The following SMARCA1 variants were observed in gnomAD, a reference collection of about 807,000 sequenced individuals.
The protein encoded by SMARCA1 is SWI/SNF-related matrix-associated actin-dependent regulator of chromatin subfamily A member 1.
A neutral mutation model predicts 93.6 loss-of-function variants in SMARCA1; 17 were observed. The ratio of observed to expected loss-of-function variants is 0.18; its 90% CI spans 0.12 to 0.27. The LOEUF (loss-of-function observed/expected upper bound fraction) is 0.27, where lower values mean the gene tolerates loss of function less well. Ranked by LOEUF, SMARCA1 falls within the 10% of genes least tolerant of loss-of-function variation. The pLI, the probability that SMARCA1 is intolerant of heterozygous loss-of-function variation, is 1.00. For synonymous variants in SMARCA1, 271 were observed against 271.4 expected, an observed-to-expected ratio of 1.00 and a Z score of 0.01; for missense variants, 630 against 819.0, an observed-to-expected ratio of 0.77 and a Z score of 2.82.
In SMARCA1 at chrX:129,480,802, G is replaced by A. The variant is rs752596447; in HGVS notation, c.2341C>T (p.Pro781Ser). 7.0e-6 allele frequency: 8 copies of A among 1,138,445 alleles called. No individual in the cohort carries two copies. The South Asian group carries it at 1.7e-4, about 24-fold the overall frequency. 93.8% of individuals were successfully genotyped at this position (1,138,445 alleles called of 1,213,427 possible). A position where few individuals can be genotyped will look rare whatever the true frequency, so the allele number is the denominator to read the frequency against. Reference sequence around the variant, plus strand: ...AAATCCTGAACATTTGGCTGTTTTGGAGGCCGTGGAGCCTATGAGGGAGGA... The same window carrying A: ...AAATCCTGAACATTTGGCTGTTTTGAAGGCCGTGGAGCCTATGAGGGAGGA... ...EPKIPKAPRP[P>S]KQPNVQDFQF... The change falls in exon 19 of 25, where the codon CCA becomes TCA. Residue 781 changes from proline (P) to serine (S), a missense_variant. Around this residue, in one of 4 missense-constraint regions of SMARCA1, gnomAD observed 382 missense variants for 537.9 expected, o/e 0.71. Transcript: ENST00000371121.
At chrX:129,519,172 A>C (rs146475412) in intron 1 of SMARCA1, among the ~76,000 whole-genome samples, 1,125 of 111,897 alleles carry the variant, frequency 0.01, 9 homozygotes, top group Admixed American at 0.016. Context: ...AACTAACATC[A>C]ATCAATAACT....
intron 19 of SMARCA1, among the ~76,000 whole-genome samples, chrX:129,475,281 G>A (rs930782352): frequency 9.1e-6 from 1 of 110,322 alleles, no homozygotes; most frequent in African/African-American, 3.3e-5. Context: ...CACTTTGGGA[G>A]GTCAAGGCGG....
chrX:129,454,375 G>A (rs773290095), intron 23 of SMARCA1, among the ~76,000 whole-genome samples: 7 of 112,264 alleles, frequency 6.2e-5, no homozygotes, highest in Admixed American at 2.8e-4. Context: ...TCAGGACACA[G>A]GCTTGGGCAA....
At chrX:129,469,940 T>C (rs910433566) in intron 20 of SMARCA1, among the ~76,000 whole-genome samples, 3 of 111,622 alleles carry the variant, frequency 2.7e-5, no homozygotes, top group African/African-American at 9.8e-5. Flanking sequence ...CTGTGGTAAG[T>C]TCTAATATTC....
intron 21 of SMARCA1, among the ~76,000 whole-genome samples, chrX:129,466,854 A>C (rs1932925271): frequency 9.3e-6 from 1 of 107,557 alleles, no homozygotes; most frequent in African/African-American, 3.5e-5. Flanking sequence ...AAAAAAAAAA[A>C]CCTCATTGGG....
intron 20 of SMARCA1, among the ~76,000 whole-genome samples, chrX:129,469,338 C>CAA (rs36009011): frequency 4.7e-5 from 5 of 107,442 alleles, no homozygotes; most frequent in Admixed American, 2.0e-4. Context: ...AAAGATAATG[C>CAA]AAAAAAAAAT....
intron 24 of SMARCA1, 40 bp downstream of exon 24, chrX:129,448,293 G>A: frequency 1.7e-6 from 2 of 1,165,786 alleles, no homozygotes; most frequent in African/African-American, 3.6e-5. Context: ...GTAAAAAAAT[G>A]GGATCTACCT....
At chrX:129,470,635 G>A (rs1933074638) in intron 20 of SMARCA1, among the ~76,000 whole-genome samples, 1 of 111,440 alleles carries the variant, frequency 9.0e-6, no homozygotes, top group African/African-American at 3.3e-5. Flanking sequence ...TTGGGAGGCC[G>A]AGGTGGGTGG....
At chrX:129,453,282 G>C (rs1932402486) in intron 23 of SMARCA1, among the ~76,000 whole-genome samples, 4 of 111,524 alleles carry the variant, frequency 3.6e-5, no homozygotes, top group African/African-American at 1.3e-4. Context: ...TAGGCCTCTT[G>C]AGCTAAACAA....
Position 129,469,638 on chromosome X carries a change from A to G in SMARCA1, c.2566-733T>C, listed in dbSNP as rs188815541. Among the ~76,000 whole-genome samples, 313 of 112,292 alleles carry G rather than the reference A, an allele frequency of 2.8e-3. 1 individual carries two copies. Among genetic ancestry groups the G allele is most frequent in the Admixed American group, 5.4e-3 (57 of 10,562 alleles). On this transcript the variant is annotated intron_variant, in intron 20 of 24. Transcript: ENST00000371121. ...GGCTTTTAGTTGATAAAGATTTCAGATGACCCCACATTTTGTTCCTACGTA... is the reference window on the plus strand; with the variant it reads ...GGCTTTTAGTTGATAAAGATTTCAGGTGACCCCACATTTTGTTCCTACGTA...
At chrX:129,469,547 T>C (rs1009877830) in intron 20 of SMARCA1, among the ~76,000 whole-genome samples, 2 of 112,240 alleles carry the variant, frequency 1.8e-5, no homozygotes. Flanking sequence ...CAAGAATTTG[T>C]CTTCCACTCC....
rs375193277 is a variant in SMARCA1 at position 129,496,445 on chromosome X, G to C, written c.1626+305C>G. On this transcript the variant is annotated intron_variant, in intron 12 of 24. Coordinates refer to ENST00000371121, the MANE Select transcript of SMARCA1 (RefSeq NM_001282874.2). ...ATGACATGAAATTGGAGGTTAGAGA[G>C]TAAGGTGAGAAACTGTTAGTAATTT... Among the ~76,000 whole-genome samples, 9 of 110,286 alleles carry C rather than the reference G, an allele frequency of 8.2e-5. No individual in the cohort carries two copies. The East Asian group carries it at 2.3e-3, about 28-fold the overall frequency.
At position 129,471,187 on chromosome X, in the gene SMARCA1, C is replaced by A. The variant is rs994814060; in HGVS notation, c.2565+17G>T. On this transcript the variant is annotated intron_variant, in intron 20 of 24. Transcript: ENST00000371121. ...ATTGATTGACTGTAAGTATTACAGC[C>A]ATTGAAAATATTTTACTTGTGTGAG... 19 of 1,169,670 alleles carry A rather than the reference C, an allele frequency of 1.6e-5. No individual in the cohort carries two copies. The highest frequency in any genetic ancestry group is 2.2e-5 in the Non-Finnish European group (19 of 871,206).
chrX:129,516,041 G>C, intron 3 of SMARCA1, 47 bp from the exon 4 acceptor site: 1 of 918,694 alleles, frequency 1.1e-6, no homozygotes, highest in Non-Finnish European at 1.6e-6. Context: ...TAAATGATAA[G>C]GTATCAATTA....
chrX:129,494,422 G>A (rs1490420218), intron 12 of SMARCA1, among the ~76,000 whole-genome samples: 3 of 111,679 alleles, frequency 2.7e-5, no homozygotes, highest in African/African-American at 9.8e-5. Flanking sequence ...ATCCTCATAC[G>A]TATAAATGTT....
At chrX:129,471,788 G>A (rs943550274) in intron 19 of SMARCA1, among the ~76,000 whole-genome samples, 5 of 111,860 alleles carry the variant, frequency 4.5e-5, no homozygotes, top group South Asian at 3.7e-4. Context: ...GTATGTAAGG[G>A]GAGAGAGCAT....
chrX:129,470,953 A>G (rs747542063), intron 20 of SMARCA1, among the ~76,000 whole-genome samples: 51 of 112,375 alleles, frequency 4.5e-4, no homozygotes, highest in African/African-American at 1.6e-3. Flanking sequence ...GGCAAAATGT[A>G]TGTCAAATTG....
intron 12 of SMARCA1, among the ~76,000 whole-genome samples, chrX:129,495,553 T>C (rs1357041070): frequency 1.8e-5 from 2 of 110,296 alleles, no homozygotes; most frequent in African/African-American, 6.6e-5. Flanking sequence ...TATTTTATTT[T>C]TGTAGAGACC....
intron 8 of SMARCA1, 116 bp downstream of exon 8, chrX:129,505,964 C>T (rs1297446745): frequency 1.7e-6 from 1 of 572,209 alleles, no homozygotes; most frequent in East Asian, 3.4e-5. Flanking sequence ...AAAACCAAAA[C>T]ATGCAGATAA....
Sources: allele counts gnomAD v4.1 joint callset (sites outside exome capture counted in the v4.1 genomes callset), GRCh38; gene constraint gnomAD v4.1.1; regional missense constraint gnomAD v4.1.1; transcripts MANE v1.5; gene names NCBI Gene and HGNC (gene_info 2026-07-23, HGNC 2026-07-21).